MYT1L: variants seen among roughly 807,000 people sequenced by gnomAD.
MYT1L encodes myelin transcription factor 1 like.
A neutral mutation model predicts 126.7 loss-of-function variants in MYT1L; 12 were observed. That is an observed-to-expected ratio of 0.09 (90% CI 0.06 to 0.15). The LOEUF (loss-of-function observed/expected upper bound fraction) is 0.15. Among genes scored for constraint, MYT1L ranks in the 10% least tolerant of loss-of-function variants. The probability of loss-of-function intolerance (pLI) is 1.00; values close to 1 mark genes in which losing one functional copy is unlikely to be tolerated. For missense variants in MYT1L, 979 were observed against 1,585.2 expected (o/e 0.62, Z 6.49); for synonymous variants, 541 against 604.2 (o/e 0.90, Z 1.53).
chr2:2,093,088 A>C (rs1312656360), intron 3 of MYT1L, among the ~76,000 whole-genome samples: 1 of 152,166 alleles, frequency 6.6e-6, no homozygotes, highest in African/African-American at 2.4e-5. Flanking sequence ...ACAATAATAA[A>C]AGCATAATAA....
chr2:2,060,084 A>G (rs2070193902), intron 3 of MYT1L, among the ~76,000 whole-genome samples: 1 of 152,168 alleles, frequency 6.6e-6, no homozygotes, highest in African/African-American at 2.4e-5. Context: ...CTAAACTAAC[A>G]AACTTCTATC....
Position 1,980,325 on chromosome 2 carries a change from C to T in MYT1L, c.1-548G>A, listed in dbSNP as rs111877321. Among the ~76,000 whole-genome samples, 700 of 112,294 alleles carry T rather than the reference C, an allele frequency of 6.2e-3. 5 individuals are homozygous for T. Among genetic ancestry groups the T allele is most frequent in the African/African-American group, 0.031 (661 of 21,108 alleles). 73.7% of individuals were successfully genotyped at this position (112,294 alleles called of 152,430 possible). On this transcript the variant is annotated intron_variant, in intron 5 of 24. Transcript: ENST00000647738. ...TAGTTTATATTTATATCTATATATACACACACACATATATATATAATATTT... is the reference window on the plus strand; with the variant it reads ...TAGTTTATATTTATATCTATATATATACACACACATATATATATAATATTT...
chr2:1,900,501 G>A (rs939603310), intron 14 of MYT1L, among the ~76,000 whole-genome samples: 2 of 152,040 alleles, frequency 1.3e-5, no homozygotes, highest in South Asian at 2.1e-4. Context: ...GGGTTTCACC[G>A]TGTTAGCCAG....
intron 8 of MYT1L, chr2:1,974,768 C>A (rs1444845784): frequency 6.6e-6 from 1 of 152,154 alleles, no homozygotes; most frequent in Non-Finnish European, 1.5e-5. Flanking sequence ...AGCCAAGAGA[C>A]CCAGAACAAA....
At chr2:1,868,437 GAGGA>G (rs201412400) in intron 18 of MYT1L, among the ~76,000 whole-genome samples, 87 of 151,278 alleles carry the variant, frequency 5.8e-4, no homozygotes, top group African/African-American at 5.8e-4. Context: ...TTTTCTAGAA[GAGGA>G]AGGAAGGAAG....
At chr2:2,304,829 A>G (rs1167442729) in intron 1 of MYT1L, among the ~76,000 whole-genome samples, 1 of 152,202 alleles carries the variant, frequency 6.6e-6, no homozygotes, top group African/African-American at 2.4e-5. Flanking sequence ...TACTTTCTAG[A>G]TACTGAAAGA....
At chr2:2,240,050 C>T (rs1163886596) in intron 2 of MYT1L, among the ~76,000 whole-genome samples, 2 of 152,170 alleles carry the variant, frequency 1.3e-5, no homozygotes, top group East Asian at 3.9e-4. Context: ...GTAATCCCAG[C>T]ACTTTTGGAG....
chr2:1,999,828 G>A (rs1443846349), intron 4 of MYT1L, among the ~76,000 whole-genome samples: 1 of 152,142 alleles, frequency 6.6e-6, no homozygotes, highest in Non-Finnish European at 1.5e-5. Context: ...ACATACATAT[G>A]ACTAGCTCAT....
intron 2 of MYT1L, among the ~76,000 whole-genome samples, chr2:2,213,568 G>A (rs1233858177): frequency 6.6e-6 from 1 of 152,208 alleles, no homozygotes; most frequent in African/African-American, 2.4e-5. Context: ...GTTCTCGTCA[G>A]CCAGGTGCTA....
chr2:1,920,322 A>C (rs940952751), intron 10 of MYT1L, among the ~76,000 whole-genome samples: 5 of 152,216 alleles, frequency 3.3e-5, no homozygotes, highest in Non-Finnish European at 5.9e-5. Flanking sequence ...AAAACAAAAA[A>C]CAAAACGAGT....
At position 1,970,316 on chromosome 2, in the gene MYT1L, T is replaced by C. The variant is rs527530541; in HGVS notation, c.152+8849A>G. Among the ~76,000 whole-genome samples the C allele has an allele frequency of 1.7e-4, 26 of 152,298 alleles. No homozygotes were observed. The South Asian group carries it at 5.4e-3, about 32-fold the overall frequency. On this transcript the variant is annotated intron_variant, in intron 8 of 24. Transcript: ENST00000647738. ...TCCCAGCGATGCTCATGAACCTGGC[T>C]ACTCCAGAAGTATTTGCCGTGAGTG...
intron 19 of MYT1L, among the ~76,000 whole-genome samples, chr2:1,845,994 T>C (rs898200679): frequency 6.6e-5 from 10 of 152,230 alleles, no homozygotes; most frequent in African/African-American, 2.4e-4. Context: ...CAACCCACCC[T>C]GCCTTGTCAG....
chr2:1,794,093 A>T (rs1201768451), intron 23 of MYT1L, among the ~76,000 whole-genome samples: 8 of 152,030 alleles, frequency 5.3e-5, no homozygotes, highest in African/African-American at 1.9e-4. Context: ...GGTTTTTAAA[A>T]AGGTACACGC....
At chr2:2,054,850 T>C (rs1173240547) in intron 3 of MYT1L, among the ~76,000 whole-genome samples, 4 of 148,404 alleles carry the variant, frequency 2.7e-5, no homozygotes, top group African/African-American at 1.0e-4. Flanking sequence ...GGTATGGAGA[T>C]GAGGTGCATG....
intron 2 of MYT1L, among the ~76,000 whole-genome samples, chr2:2,208,999 T>TACAC (rs34194445): frequency 0.078 from 11,724 of 150,036 alleles, 502 homozygotes; most frequent in South Asian, 0.14. Flanking sequence ...GGGAGGCATT[T>TACAC]ACACACACAC....
chr2:2,322,699 G>A (rs1175891713), intron 1 of MYT1L, among the ~76,000 whole-genome samples: 1 of 152,006 alleles, frequency 6.6e-6, no homozygotes, highest in Non-Finnish European at 1.5e-5. Context: ...AAATGCACAA[G>A]GTGAGGTTAA....
intron 2 of MYT1L, among the ~76,000 whole-genome samples, chr2:2,215,534 C>A (rs1478457775): frequency 2.6e-5 from 4 of 152,020 alleles, no homozygotes; most frequent in Admixed American, 2.0e-4. Flanking sequence ...GGACATGAAG[C>A]AAAAACTGAA....
chr2:1,930,578 G>A (rs2054825997), intron 9 of MYT1L, among the ~76,000 whole-genome samples: 1 of 152,232 alleles, frequency 6.6e-6, no homozygotes, highest in Non-Finnish European at 1.5e-5. Flanking sequence ...GCGGGCAGAA[G>A]CGTCGGGGCT....
In MYT1L at chr2:1,922,206, T is replaced by G; in HGVS notation, c.1483+80A>C. ...AGACATAATTCAGTGTGAGTCACAC[T>G]TTAACTGTAGACTACCACCAACATC... On this transcript the variant is annotated intron_variant, in intron 10 of 24. Coordinates refer to ENST00000647738, the MANE Select transcript of MYT1L (RefSeq NM_001303052.2). The surrounding 1 kb of genome is among the most constrained non-coding windows in gnomAD (Gnocchi z 7.4). 1 of 1,534,338 alleles carries G rather than the reference T, an allele frequency of 6.5e-7. No homozygotes were observed. The highest frequency in any genetic ancestry group is 8.8e-7 in the Non-Finnish European group (1 of 1,134,286).
Sources: allele counts gnomAD v4.1 joint callset (sites outside exome capture counted in the v4.1 genomes callset), GRCh38; gene constraint gnomAD v4.1.1; non-coding constraint Gnocchi (gnomAD v3.1); transcripts MANE v1.5; gene names NCBI Gene and HGNC (gene_info 2026-07-23, HGNC 2026-07-21).